Variants in NALCN observed in about 807,000 individuals in gnomAD.
The protein encoded by NALCN is sodium leak channel NALCN.
A neutral mutation model predicts 225.3 loss-of-function variants in NALCN; 111 were observed. That is an observed-to-expected ratio of 0.49 (90% confidence interval 0.42 to 0.58). The LOEUF (loss-of-function observed/expected upper bound fraction) is 0.58, where lower values mean the gene tolerates loss of function less well. Among genes scored for constraint, NALCN ranks in the 20% least tolerant of loss-of-function variants. The pLI is 0.00. For synonymous variants in NALCN, 764 were observed against 769.0 expected (o/e 0.99, Z 0.11); for missense variants, 1,378 against 2,202.4 (o/e 0.63, Z 7.49).
At chr13:101,363,249 A>G (rs2046296576) in intron 6 of NALCN, among the ~76,000 whole-genome samples, 1 of 152,150 alleles carries the variant, frequency 6.6e-6, no homozygotes, top group African/African-American at 2.4e-5. Flanking sequence ...CCTAAAATTT[A>G]TATTAAAACA....
chr13:101,101,862 C>T (rs1172949638), intron 26 of NALCN, among the ~76,000 whole-genome samples: 1 of 152,120 alleles, frequency 6.6e-6, no homozygotes, highest in East Asian at 1.9e-4. Flanking sequence ...CACTGACCAC[C>T]ATTAGGGAAA....
At chr13:101,142,911 G>T in intron 17 of NALCN, 169 bp downstream of exon 17, 1 of 939,130 alleles carries the variant, frequency 1.1e-6, no homozygotes, top group Non-Finnish European at 1.6e-6. Flanking sequence ...AAATTTCAAT[G>T]CATAGAGTAA....
At chr13:101,317,563 T>C (rs1777898953) in intron 7 of NALCN, among the ~76,000 whole-genome samples, 1 of 152,208 alleles carries the variant, frequency 6.6e-6, no homozygotes, top group South Asian at 2.1e-4. Context: ...GCCTCTGTGA[T>C]CCACCTGATC....
chr13:101,087,226 A>G (rs1045701973), intron 30 of NALCN, among the ~76,000 whole-genome samples: 2 of 152,148 alleles, frequency 1.3e-5, no homozygotes, highest in African/African-American at 4.8e-5. Flanking sequence ...TCTGAATTGT[A>G]CCCTAAAGAT....
rs772251231 is a variant in NALCN, at chr13:101,089,916, G to A, written c.3320C>T (p.Ala1107Val). Residue 1107 changes from alanine (A) to valine (V), a missense_variant, in exon 29 of 44, where the codon GCG becomes GTG. Around this residue, in one of 19 missense-constraint regions of NALCN, gnomAD observed 292 missense variants for 409.5 expected, o/e 0.71. Transcript: ENST00000251127. The surrounding 1 kb of genome is among the most constrained non-coding windows in gnomAD (Gnocchi z 4.7). The stretch of plus-strand genomic sequence containing the variant: ...TTTCAAGGAGAGAACTTCAAACAAC[G>A]CCAGCATAGCGTTTCCCACATTGTC... ...NFDNVGNAML[A>V]LFEVLSLKGW... The A allele has an allele frequency of 3.1e-6, 5 of 1,613,944 alleles. No homozygotes were observed. The highest frequency in any genetic ancestry group is 2.5e-6 in the Non-Finnish European group (3 of 1,179,904).
At chr13:101,059,637 GACAT>G (rs2031670516) in intron 42 of NALCN, among the ~76,000 whole-genome samples, 177 bp downstream of exon 42, 1 of 147,940 alleles carries the variant, frequency 6.8e-6, no homozygotes, top group Non-Finnish European at 1.5e-5. Context: ...AGATGGCAAA[GACAT>G]AGACATAATC....
chr13:101,065,628 G>GAA (rs113202388), intron 39 of NALCN, 67 bp from the exon 40 acceptor site: 85 of 1,202,604 alleles, frequency 7.1e-5, no homozygotes, highest in East Asian at 1.6e-4. Flanking sequence ...TTTCTCAAAA[G>GAA]AAAAAAAAAA....
At chr13:101,394,834 C>T (rs2047238510) in intron 3 of NALCN, among the ~76,000 whole-genome samples, 1 of 152,120 alleles carries the variant, frequency 6.6e-6, no homozygotes, top group Admixed American at 6.5e-5. Context: ...CCTAAGTCAA[C>T]AAATAATAAG....
intron 15 of NALCN, among the ~76,000 whole-genome samples, chr13:101,158,627 C>T (rs539068676): frequency 1.8e-4 from 27 of 152,350 alleles, no homozygotes; most frequent in Non-Finnish European, 3.4e-4. Context: ...CTGCACCATT[C>T]TTCAGAAGGA....
intron 13 of NALCN, 73 bp from the exon 14 acceptor site, chr13:101,192,127 T>C: frequency 6.6e-7 from 1 of 1,507,116 alleles, no homozygotes; most frequent in East Asian, 2.5e-5. Flanking sequence ...GCATGTGATG[T>C]TTGAAGACTT....
At chr13:101,241,081 A>C (rs1339907503) in intron 11 of NALCN, among the ~76,000 whole-genome samples, 3 of 152,194 alleles carry the variant, frequency 2.0e-5, no homozygotes, top group Admixed American at 2.0e-4. Flanking sequence ...CACACCTTTA[A>C]AAGTAGACAG....
At chr13:101,346,297 A>C (rs2045736340) in intron 6 of NALCN, among the ~76,000 whole-genome samples, 1 of 152,026 alleles carries the variant, frequency 6.6e-6, no homozygotes, top group Non-Finnish European at 1.5e-5. Context: ...ACTGAGACCC[A>C]GATAAGCAAA....
chr13:101,331,398 G>T (rs1313007239), intron 7 of NALCN, among the ~76,000 whole-genome samples: 1 of 152,074 alleles, frequency 6.6e-6, no homozygotes, highest in Non-Finnish European at 1.5e-5. Flanking sequence ...TATAGATGTT[G>T]GAATTGAAAA....
intron 6 of NALCN, among the ~76,000 whole-genome samples, chr13:101,356,196 A>C (rs2046054319): frequency 6.6e-6 from 1 of 152,206 alleles, no homozygotes; most frequent in South Asian, 2.1e-4. Flanking sequence ...AACTAAGATC[A>C]GAGCAGAATT....
chr13:101,349,131 T>C (rs893667785), intron 6 of NALCN, among the ~76,000 whole-genome samples: 5 of 152,184 alleles, frequency 3.3e-5, no homozygotes, highest in African/African-American at 7.2e-5. Flanking sequence ...TATCCACTCA[T>C]GTTTAAACGG....
intron 15 of NALCN, among the ~76,000 whole-genome samples, chr13:101,160,165 A>G (rs928873247): frequency 2.0e-5 from 3 of 152,170 alleles, no homozygotes; most frequent in South Asian, 2.1e-4. Context: ...CATGTTAGCC[A>G]GGATGGTCTC....
intron 37 of NALCN, among the ~76,000 whole-genome samples, chr13:101,071,025 C>T (rs75619689): frequency 0.094 from 14,248 of 152,140 alleles, 1,025 homozygotes; most frequent in African/African-American, 0.2. Flanking sequence ...GATCTCATGA[C>T]GGCTATAGTG....
At chr13:101,325,721 T>C (rs1336111646) in intron 7 of NALCN, among the ~76,000 whole-genome samples, 1 of 152,208 alleles carries the variant, frequency 6.6e-6, no homozygotes, top group Non-Finnish European at 1.5e-5. Flanking sequence ...CCCCTCCAGG[T>C]GTCTCTCCTT....
At chr13:101,187,817 C>A (rs1251906153) in intron 14 of NALCN, among the ~76,000 whole-genome samples, 2 of 152,150 alleles carry the variant, frequency 1.3e-5, no homozygotes, top group Non-Finnish European at 2.9e-5. Context: ...GAGCAGGAGT[C>A]CACAGTGTTT....
Sources: allele counts gnomAD v4.1 joint callset (sites outside exome capture counted in the v4.1 genomes callset), GRCh38; gene constraint gnomAD v4.1.1; regional missense constraint gnomAD v4.1.1; non-coding constraint Gnocchi (gnomAD v3.1); transcripts MANE v1.5; gene names NCBI Gene and HGNC (gene_info 2026-07-23, HGNC 2026-07-21).